The following GALNT14 variants were observed in gnomAD, a reference collection of about 807,000 sequenced individuals.
GALNT14 encodes polypeptide N-acetylgalactosaminyltransferase 14, also known as UDP-GalNAc:polypeptide N-acetylgalactosaminyltransferase 14.
In GALNT14, 60 loss-of-function variants were observed where a neutral mutation model predicts 77.5. The ratio of observed to expected loss-of-function variants is 0.77; its 90% confidence interval spans 0.63 to 0.96. The LOEUF is 0.96. GALNT14 is among the 40% of genes least tolerant of loss of function. The pLI is 0.00. For synonymous variants in GALNT14, 280 were observed against 281.7 expected (o/e 0.99, Z 0.06); for missense variants, 710 against 731.0 (o/e 0.97, Z 0.33).
At chr2:31,048,598 T>TCCTGCGTCC (rs1673636106) in intron 1 of GALNT14, among the ~76,000 whole-genome samples, 1 of 114,036 alleles carries the variant, frequency 8.8e-6, no homozygotes, top group African/African-American at 3.4e-5. Context: ...CCACCCCCAC[T>TCCTGCGTCC]CCTGCCTCCC....
chr2:30,943,697 T>C (rs1371050067), intron 8 of GALNT14, among the ~76,000 whole-genome samples: 3 of 152,184 alleles, frequency 2.0e-5, no homozygotes, highest in Non-Finnish European at 4.4e-5. Flanking sequence ...CTCAGCATAA[T>C]AAGAAGCTCC....
chr2:31,127,089 T>C (rs1213759341), intron 1 of GALNT14, among the ~76,000 whole-genome samples: 3 of 152,212 alleles, frequency 2.0e-5, no homozygotes, highest in African/African-American at 7.2e-5. Context: ...GAAAAGAACA[T>C]GTACTCAAGG....
At chr2:30,973,986 G>T (rs532330801) in intron 2 of GALNT14, among the ~76,000 whole-genome samples, 2 of 152,150 alleles carry the variant, frequency 1.3e-5, no homozygotes, top group Non-Finnish European at 2.9e-5. Flanking sequence ...GAACTTGGTC[G>T]GGTGCTCTGG....
intron 1 of GALNT14, among the ~76,000 whole-genome samples, chr2:31,000,966 T>A (rs1052850195): frequency 2.0e-5 from 3 of 152,166 alleles, no homozygotes; most frequent in African/African-American, 4.8e-5. Context: ...AATTTTCAAA[T>A]GAGGAAAGTG....
At position 30,912,228 on chromosome 2, in the gene GALNT14, G is replaced by C. The variant is rs35447902; in HGVS notation, c.1495C>G (p.Arg499Gly). ...VLVLCKNGDDRQQWTKTGSHI... is the reference protein window; with the variant it reads ...VLVLCKNGDDGQQWTKTGSHI... The stretch of plus-strand genomic sequence containing the variant: ...GGGACCTGCTGAGCACTTACCTGTC[G>C]GTCATCTCCATTCTTGCAAAGGACA... The change falls in exon 14 of 15, where the codon CGA becomes GGA. Residue 499 changes from arginine to glycine, a missense_variant. Physicochemically the swap from Arg to Gly is moderately radical, Grantham distance 125 (BLOSUM62 -2). Transcript: ENST00000349752. The C allele has an allele frequency of 9.3e-6, 15 of 1,613,896 alleles. No homozygotes were observed. The highest frequency in any genetic ancestry group is 1.0e-5 in the Non-Finnish European group (12 of 1,179,982).
intron 1 of GALNT14, among the ~76,000 whole-genome samples, chr2:31,133,851 T>TG (rs11288390): frequency 2.8e-4 from 42 of 152,104 alleles, no homozygotes; most frequent in South Asian, 1.2e-3. Flanking sequence ...GCTGGATAAT[T>TG]GGGGGGGAGG....
intron 1 of GALNT14, among the ~76,000 whole-genome samples, chr2:31,019,099 G>C (rs1351578237): frequency 2.6e-5 from 4 of 152,066 alleles, no homozygotes; most frequent in Non-Finnish European, 5.9e-5. Context: ...ATGTCCCCAG[G>C]GCCACAGCCT....
In GALNT14 at chr2:30,977,092, C is replaced by CTTTT. The variant is rs11314175; in HGVS notation, c.300-10794_300-10791dup. Among the ~76,000 whole-genome samples, 101 of 135,126 alleles carry CTTTT rather than the reference C, an allele frequency of 7.5e-4. 2 individuals are homozygous for CTTTT. Among genetic ancestry groups the CTTTT allele is most frequent in the African/African-American group, 2.8e-3 (91 of 32,618 alleles). 88.6% of individuals were successfully genotyped at this position (135,126 alleles called of 152,430 possible). ...CTTTATTCCATATTGGCTTTTCTGT[C>CTTTT]TTTTTTTTTTTTTTTGAGACAGGGT... On this transcript the variant is annotated intron_variant, in intron 2 of 14. Coordinates refer to ENST00000349752, the MANE Select transcript of GALNT14 (RefSeq NM_024572.4).
At chr2:31,088,028 G>A (rs540316660) in intron 1 of GALNT14, among the ~76,000 whole-genome samples, 11 of 152,292 alleles carry the variant, frequency 7.2e-5, no homozygotes, top group South Asian at 2.1e-4. Flanking sequence ...ATCCACTGGC[G>A]CTTTGATCTA....
chr2:31,111,989 T>C (rs1014114887), intron 1 of GALNT14, among the ~76,000 whole-genome samples: 2 of 150,016 alleles, frequency 1.3e-5, no homozygotes, highest in Non-Finnish European at 2.9e-5. Flanking sequence ...TAAAACTGTG[T>C]ACTTGCTTTT....
At chr2:31,076,629 A>ATATATATATATATATATATATATAT (rs1553373502) in intron 1 of GALNT14, among the ~76,000 whole-genome samples, 6 of 101,908 alleles carry the variant, frequency 5.9e-5, no homozygotes, top group African/African-American at 1.6e-4. Flanking sequence ...ATATATATAT[A>ATATATATATATATATATATATATAT]TTTTTTTTTT....
chr2:31,134,196 T>C (rs1282467618), intron 1 of GALNT14, among the ~76,000 whole-genome samples: 2 of 152,176 alleles, frequency 1.3e-5, no homozygotes, highest in Non-Finnish European at 2.9e-5. Context: ...GTCGGGTAGT[T>C]CCCCAGACCA....
At chr2:30,978,579 C>T (rs4952012) in intron 2 of GALNT14, among the ~76,000 whole-genome samples, 22,940 of 152,140 alleles carry the variant, frequency 0.15, 3,476 homozygotes, top group African/African-American at 0.37. Context: ...GGATAATTCT[C>T]TGTTGAGCGA....
chr2:31,121,889 T>C (rs577479390), intron 1 of GALNT14, among the ~76,000 whole-genome samples: 3 of 152,238 alleles, frequency 2.0e-5, no homozygotes, highest in African/African-American at 7.2e-5. Flanking sequence ...CCTCAGCAGA[T>C]AACCAAGATC....
intron 11 of GALNT14, among the ~76,000 whole-genome samples, chr2:30,928,745 T>C (rs1181228799): frequency 6.6e-6 from 1 of 152,100 alleles, no homozygotes; most frequent in Non-Finnish European, 1.5e-5. Flanking sequence ...GCCTCCCGAA[T>C]AGCTGGGACT....
intron 1 of GALNT14, among the ~76,000 whole-genome samples, chr2:31,004,589 A>G (rs544454309): frequency 1.3e-5 from 2 of 152,308 alleles, no homozygotes; most frequent in African/African-American, 4.8e-5. Context: ...TCTCTCAGAG[A>G]CAGCAATATC....
At chr2:30,990,413 A>T in intron 2 of GALNT14, among the ~76,000 whole-genome samples, 1 of 152,374 alleles carries the variant, frequency 6.6e-6, no homozygotes, top group Middle Eastern at 3.4e-3. Context: ...TCACAGAAGG[A>T]TTAAGAGACA....
At chr2:31,135,933 G>A (rs1171050326) in intron 1 of GALNT14, among the ~76,000 whole-genome samples, 7 of 152,196 alleles carry the variant, frequency 4.6e-5, no homozygotes, top group East Asian at 1.9e-4. Flanking sequence ...GACAAAGAGT[G>A]CACAAAGAAA....
chr2:31,033,246 T>C (rs148197524), intron 1 of GALNT14, among the ~76,000 whole-genome samples: 6 of 152,232 alleles, frequency 3.9e-5, no homozygotes, highest in Non-Finnish European at 7.4e-5. Flanking sequence ...ACGTGTGGTA[T>C]AGCTCCCCCT....
Sources: gnomAD v4.1 joint callset for allele counts (sites outside exome capture counted in the v4.1 genomes callset) on GRCh38, gnomAD v4.1.1 for gene constraint, MANE v1.5 for transcripts, NCBI Gene and HGNC (gene_info 2026-07-23, HGNC 2026-07-21) for gene names.